AKAP19: variants seen among roughly 807,000 people sequenced by gnomAD.
The protein encoded by AKAP19 is A-kinase anchoring protein 19.
At chr2:190,015,258 C>G in the AKAP19 span, among the ~76,000 whole-genome samples, 7 of 152,236 alleles carry the variant, frequency 4.6e-5, no homozygotes, top group Non-Finnish European at 2.9e-5. Context: ...CCAGGCATTT[C>G]CATACATCCT....
the AKAP19 span, among the ~76,000 whole-genome samples, chr2:190,074,166 C>A: frequency 6.6e-6 from 1 of 152,050 alleles, no homozygotes; most frequent in Non-Finnish European, 1.5e-5. Flanking sequence ...ATTTAAAATG[C>A]CTTTCTCTTT....
the AKAP19 span, among the ~76,000 whole-genome samples, chr2:190,104,070 A>G: frequency 6.6e-6 from 1 of 152,232 alleles, no homozygotes; most frequent in African/African-American, 2.4e-5. Flanking sequence ...AAAGTTGACG[A>G]AAATAAGCAA....
At chr2:190,119,356 T>C in the AKAP19 span, among the ~76,000 whole-genome samples, 3 of 152,104 alleles carry the variant, frequency 2.0e-5, no homozygotes, top group South Asian at 2.1e-4. Flanking sequence ...GAGGAGGCGG[T>C]GTCTGATTTG....
At chr2:189,897,636 A>G in the AKAP19 span, among the ~76,000 whole-genome samples, 1 of 152,202 alleles carries the variant, frequency 6.6e-6, no homozygotes, top group Non-Finnish European at 1.5e-5. Flanking sequence ...AATAGTTTGC[A>G]TCAGCTTTCA....
the AKAP19 span, among the ~76,000 whole-genome samples, chr2:190,012,580 T>C: frequency 3.3e-5 from 5 of 152,194 alleles, no homozygotes; most frequent in African/African-American, 7.2e-5. Context: ...CACCTCTGCC[T>C]TTGCTGTTTC....
At chr2:189,917,584 C>T in the AKAP19 span, 2 of 436,118 alleles carry the variant, frequency 4.6e-6, no homozygotes, top group Non-Finnish European at 8.3e-6. Context: ...TATTGCTGGG[C>T]TCCACATTTC....
At chr2:189,897,986 T>C in the AKAP19 span, among the ~76,000 whole-genome samples, 1 of 151,982 alleles carries the variant, frequency 6.6e-6, no homozygotes, top group Non-Finnish European at 1.5e-5. Flanking sequence ...AGACGGTGGA[T>C]CGCTTGAGCC....
At chr2:189,931,448 A>G in the AKAP19 span, among the ~76,000 whole-genome samples, 1 of 152,078 alleles carries the variant, frequency 6.6e-6, no homozygotes, top group African/African-American at 2.4e-5. Flanking sequence ...ATTAACCTCA[A>G]ACTCCCAGGC....
chr2:190,100,911 A>G, the AKAP19 span, among the ~76,000 whole-genome samples: 1 of 152,180 alleles, frequency 6.6e-6, no homozygotes, highest in African/African-American at 2.4e-5. Context: ...TGAGAGAGGC[A>G]GAGAGCCTCC....
the AKAP19 span, among the ~76,000 whole-genome samples, chr2:189,885,965 A>C: frequency 6.6e-6 from 1 of 151,782 alleles, no homozygotes; most frequent in African/African-American, 2.4e-5. Flanking sequence ...CCCACCACCA[A>C]GCCCAGCTAA....
At chr2:190,001,874 G>T in the AKAP19 span, among the ~76,000 whole-genome samples, 1 of 152,156 alleles carries the variant, frequency 6.6e-6, no homozygotes, top group Non-Finnish European at 1.5e-5. Context: ...TCAAGAATGT[G>T]ATTGCCCCTA....
At chr2:189,976,395 G>A in the AKAP19 span, among the ~76,000 whole-genome samples, 1 of 152,310 alleles carries the variant, frequency 6.6e-6, no homozygotes, top group Non-Finnish European at 1.5e-5. Flanking sequence ...CTACTGGGGG[G>A]TGCCTCCCAA....
At chr2:190,081,574 A>T in the AKAP19 span, among the ~76,000 whole-genome samples, 1 of 152,214 alleles carries the variant, frequency 6.6e-6, no homozygotes, top group Non-Finnish European at 1.5e-5. Flanking sequence ...TCCTGTGCAT[A>T]CATGAGCATG....
the AKAP19 span, among the ~76,000 whole-genome samples, chr2:189,989,602 T>C: frequency 6.6e-6 from 1 of 152,088 alleles, no homozygotes; most frequent in East Asian, 1.9e-4. Flanking sequence ...CAACATAAAA[T>C]GTTAAATTTT....
chr2:189,888,183 T>A, the AKAP19 span, among the ~76,000 whole-genome samples: 3 of 152,208 alleles, frequency 2.0e-5, no homozygotes, highest in African/African-American at 7.2e-5. Flanking sequence ...CTAGCCAGTT[T>A]TCCAAACACC....
At chr2:189,936,945 C>A in the AKAP19 span, among the ~76,000 whole-genome samples, 1 of 151,940 alleles carries the variant, frequency 6.6e-6, no homozygotes, top group Non-Finnish European at 1.5e-5. Flanking sequence ...GGCAACATAG[C>A]GAGACCCCTG....
the AKAP19 span, among the ~76,000 whole-genome samples, chr2:189,938,350 AAAG>A: frequency 6.6e-6 from 1 of 151,938 alleles, no homozygotes; most frequent in African/African-American, 2.4e-5. Flanking sequence ...AAAAAAAAAA[AAAG>A]AAAGAAAATG....
chr2:189,960,581 A>T, the AKAP19 span, among the ~76,000 whole-genome samples: 1 of 152,224 alleles, frequency 6.6e-6, no homozygotes, highest in East Asian at 1.9e-4. Context: ...TTGAAAGAGA[A>T]GATTCATTCT....
chr2:189,949,170 T>G, the AKAP19 span, among the ~76,000 whole-genome samples: 2 of 152,142 alleles, frequency 1.3e-5, no homozygotes, highest in Non-Finnish European at 2.9e-5. Context: ...CCTCAGTATC[T>G]GCGGGTTTCA....
Sources: gnomAD v4.1 joint callset for allele counts (sites outside exome capture counted in the v4.1 genomes callset) on GRCh38, gnomAD v4.1.1 for gene constraint, MANE v1.5 for transcripts, NCBI Gene and HGNC (gene_info 2026-07-23, HGNC 2026-07-21) for gene names.